The following ABL2 variants were observed in gnomAD, a reference collection of about 807,000 sequenced individuals.
The protein encoded by ABL2 is ABL proto-oncogene 2, non-receptor tyrosine kinase.
In ABL2, 49 loss-of-function variants were observed where a neutral mutation model predicts 107.7. The ratio of observed to expected loss-of-function variants is 0.45; its 90% CI spans 0.36 to 0.58. ABL2 has a LOEUF of 0.58. Ranked by LOEUF, ABL2 falls within the 20% of genes least tolerant of loss-of-function variation. ABL2 has a pLI of 0.00. For synonymous variants in ABL2, 549 were observed against 548.6 expected, an observed-to-expected ratio of 1.00 and a Z score of -0.01; for missense variants, 1,245 against 1,457.0, an observed-to-expected ratio of 0.85 and a Z score of 2.37.
intron 1 of ABL2, among the ~76,000 whole-genome samples, chr1:179,166,032 G>A (rs1159398018): frequency 6.6e-6 from 1 of 152,018 alleles, no homozygotes; most frequent in Non-Finnish European, 1.5e-5. Flanking sequence ...CCTGACCTCA[G>A]GTGATCTGCC....
intron 1 of ABL2, among the ~76,000 whole-genome samples, chr1:179,218,692 C>A (rs1662715479): frequency 6.6e-6 from 1 of 152,212 alleles, no homozygotes; most frequent in South Asian, 2.1e-4. Flanking sequence ...GCCACCACAC[C>A]AGGCCAAGTA....
intron 10 of ABL2, 42 bp downstream of exon 10, chr1:179,112,267 A>G: frequency 6.5e-7 from 1 of 1,543,902 alleles, no homozygotes; most frequent in Non-Finnish European, 8.9e-7. Context: ...CACCACCACT[A>G]CCCAGAATTA....
intron 1 of ABL2, among the ~76,000 whole-genome samples, chr1:179,189,175 G>A (rs895541859): frequency 9.2e-5 from 14 of 152,084 alleles, no homozygotes; most frequent in Admixed American, 7.2e-4. Flanking sequence ...CACTCTTGTT[G>A]CCCAGGCTGG....
At chr1:179,198,172 CAAAAA>C (rs201688067) in intron 1 of ABL2, among the ~76,000 whole-genome samples, 1 of 63,576 alleles carries the variant, frequency 1.6e-5, no homozygotes. Context: ...AACCCTGTGC[CAAAAA>C]AAAAAAAAAA....
intron 1 of ABL2, among the ~76,000 whole-genome samples, chr1:179,187,251 T>C (rs1660727759): frequency 6.6e-6 from 1 of 152,246 alleles, no homozygotes; most frequent in Admixed American, 6.5e-5. Context: ...GGTTTGCCAG[T>C]AAATTCAAAC....
intron 1 of ABL2, among the ~76,000 whole-genome samples, chr1:179,169,908 A>G (rs561966559): frequency 2.0e-5 from 3 of 152,206 alleles, no homozygotes; most frequent in South Asian, 4.2e-4. Flanking sequence ...ATGTGCCTAT[A>G]GTCCCAGCTA....
intron 1 of ABL2, among the ~76,000 whole-genome samples, chr1:179,168,617 A>G (rs1053943780): frequency 6.6e-6 from 1 of 152,222 alleles, no homozygotes; most frequent in African/African-American, 2.4e-5. Flanking sequence ...CAGAGTAGAT[A>G]GCTATTTTCT....
At chr1:179,148,039 C>CTTTTTT (rs1393464807) in intron 1 of ABL2, among the ~76,000 whole-genome samples, 76 of 130,954 alleles carry the variant, frequency 5.8e-4, no homozygotes, top group Non-Finnish European at 7.0e-4. Flanking sequence ...CTTTTCTTTT[C>CTTTTTT]TTTTTTTTTT....
In ABL2 at chr1:179,211,758, C is replaced by T. The variant is rs117327784; in HGVS notation, c.157+17483G>A. On this transcript the variant is annotated intron_variant, in intron 1 of 11. Coordinates refer to ENST00000502732, the MANE Select transcript of ABL2 (RefSeq NM_007314.4). ...AGGTTGCAGTGAGCCAAGATCACAC[C>T]ACAGCCTGGGTGACAGAGCAAGAAT... is the stretch of plus-strand genomic sequence containing the variant. Among the ~76,000 whole-genome samples the T allele has an allele frequency of 8.5e-3, 1,270 of 148,738 alleles. 45 individuals carry two copies. Among genetic ancestry groups the T allele is most frequent in the Admixed American group, 0.058 (859 of 14,786 alleles).
chr1:179,149,688 C>T (rs1242320607), intron 1 of ABL2, among the ~76,000 whole-genome samples: 1 of 152,192 alleles, frequency 6.6e-6, no homozygotes, highest in African/African-American at 2.4e-5. Context: ...TCCACTTATG[C>T]TCTATAAATG....
chr1:179,131,667 T>C (rs28914519), intron 2 of ABL2, among the ~76,000 whole-genome samples, 186 bp from the exon 3 acceptor site: 3,619 of 152,280 alleles, frequency 0.024, 115 homozygotes, highest in Admixed American at 0.064. Flanking sequence ...GCAATTTACT[T>C]GTTGAAAATG....
chr1:179,118,889 AC>A, intron 6 of ABL2, 125 bp from the exon 7 acceptor site: 1 of 993,962 alleles, frequency 1.0e-6, no homozygotes, highest in Non-Finnish European at 1.5e-6. Context: ...CCTTCTTACC[AC>A]CACGTTCTCT....
In ABL2 at chr1:179,193,221, G is replaced by A. The variant is rs374018268; in HGVS notation, c.157+36020C>T. On this transcript the variant is annotated intron_variant, in intron 1 of 11. Transcript: ENST00000502732. The stretch of plus-strand genomic sequence containing the variant: ...AATCTGTTTTTCTAAAGTGCCCGAA[G>A]AAGTCAATTTGTGGCAACACTACCA... 1.1e-4 allele frequency among the ~76,000 whole-genome samples: 16 copies of A among 152,236 alleles called. No homozygotes were observed. In the East Asian group the frequency reaches 1.3e-3, roughly 13 times the overall value.
intron 1 of ABL2, among the ~76,000 whole-genome samples, chr1:179,147,795 G>C (rs1283096836): frequency 6.6e-6 from 1 of 152,048 alleles, no homozygotes; most frequent in Non-Finnish European, 1.5e-5. Flanking sequence ...TTCACCACTA[G>C]GCAATATATC....
intron 1 of ABL2, among the ~76,000 whole-genome samples, chr1:179,219,244 C>T (rs746210162): frequency 2.0e-5 from 3 of 152,054 alleles, no homozygotes; most frequent in African/African-American, 2.4e-5. Context: ...GGTTTCGCCA[C>T]GTTGCCTAGG....
intron 1 of ABL2, among the ~76,000 whole-genome samples, chr1:179,185,560 C>A (rs1396315385): frequency 6.6e-6 from 1 of 152,004 alleles, no homozygotes; most frequent in Non-Finnish European, 1.5e-5. Flanking sequence ...CTAAATGTGT[C>A]CACAAAGGAA....
In ABL2 at chr1:179,108,402, C is replaced by G; in HGVS notation, c.2865G>C (p.Gly955=). 3 of 1,614,234 alleles carry G rather than the reference C, an allele frequency of 1.9e-6. No individual in the cohort carries two copies. The South Asian group carries it at 3.3e-5, about 18-fold the overall frequency. The change falls in exon 12 of 12, where the codon GGG becomes GGC. Residue 955 remains glycine (G), a synonymous_variant. Coordinates refer to ENST00000502732, the MANE Select transcript of ABL2 (RefSeq NM_007314.4). The part of the protein sequence containing the change: ...DVQLIGTDSQ[G]NKFKLLSEHQ... ...GCTCAGATAAGAGCTTGAATTTATTCCCCTGAGAGTCTGTGCCAATGAGCT... is the reference window on the plus strand; with the variant it reads ...GCTCAGATAAGAGCTTGAATTTATTGCCCTGAGAGTCTGTGCCAATGAGCT...
chr1:179,174,450 A>C (rs1205001658), intron 1 of ABL2, among the ~76,000 whole-genome samples: 1 of 151,480 alleles, frequency 6.6e-6, no homozygotes, highest in Non-Finnish European at 1.5e-5. Context: ...CTCTACTAAA[A>C]CTACAAAAAA....
chr1:179,218,686 C>T (rs1021529231), intron 1 of ABL2, among the ~76,000 whole-genome samples: 2 of 152,188 alleles, frequency 1.3e-5, no homozygotes, highest in African/African-American at 4.8e-5. Context: ...GCGTGAGCCA[C>T]CACACCAGGC....
Sources: gnomAD v4.1 joint callset for allele counts (sites outside exome capture counted in the v4.1 genomes callset) on GRCh38, gnomAD v4.1.1 for gene constraint, MANE v1.5 for transcripts, NCBI Gene and HGNC (gene_info 2026-07-23, HGNC 2026-07-21) for gene names.